Variants in GRM3 observed in about 807,000 individuals in gnomAD.
GRM3 encodes glutamate metabotropic receptor 3.
GRM3 carries 26 observed loss-of-function variants against 70.5 expected under a neutral mutation model. The observed-to-expected ratio is 0.37, with a 90% confidence interval of 0.27 to 0.51. The LOEUF is 0.51. Among genes scored for constraint, GRM3 ranks in the 20% least tolerant of loss-of-function variants. The pLI, the probability that GRM3 is intolerant of heterozygous loss-of-function variation, is 0.93. For missense variants in GRM3, 859 were observed against 1,123.8 expected (o/e 0.76, Z 3.37); for synonymous variants, 443 against 434.9 (o/e 1.02, Z -0.23).
chr7:86,775,692 T>C (rs1425293107), intron 2 of GRM3, among the ~76,000 whole-genome samples: 2 of 152,164 alleles, frequency 1.3e-5, no homozygotes, highest in Non-Finnish European at 2.9e-5. Context: ...TACTAATCCC[T>C]GTGAGGCCCT....
chr7:86,740,762 C>CTT (rs1214849630), intron 1 of GRM3, among the ~76,000 whole-genome samples: 4 of 152,152 alleles, frequency 2.6e-5, no homozygotes, highest in Non-Finnish European at 5.9e-5. Flanking sequence ...CAGAAAGAGG[C>CTT]CCTTGGCAAG....
chr7:86,709,406 A>G (rs1263466154), intron 1 of GRM3, among the ~76,000 whole-genome samples: 1 of 151,968 alleles, frequency 6.6e-6, no homozygotes, highest in Non-Finnish European at 1.5e-5. Context: ...CTGCTTCTGC[A>G]CCCTCATTCT....
At chr7:86,685,327 G>A (rs1268589230) in intron 1 of GRM3, among the ~76,000 whole-genome samples, 2 of 152,068 alleles carry the variant, frequency 1.3e-5, no homozygotes, top group Non-Finnish European at 2.9e-5. Context: ...CATATTACCA[G>A]TAAAACTTAC....
chr7:86,857,256 AC>A (rs1406949894), intron 5 of GRM3, among the ~76,000 whole-genome samples: 1 of 152,002 alleles, frequency 6.6e-6, no homozygotes, highest in Non-Finnish European at 1.5e-5. Context: ...CCATAATGAC[AC>A]TACGTAGTAG....
intron 2 of GRM3, among the ~76,000 whole-genome samples, chr7:86,769,476 T>G (rs746733165): frequency 1.1e-4 from 16 of 152,120 alleles, no homozygotes; most frequent in Non-Finnish European, 2.1e-4. Flanking sequence ...GTTTAGACAT[T>G]GCAATCTCCC....
At chr7:86,682,389 G>A (rs914227057) in intron 1 of GRM3, among the ~76,000 whole-genome samples, 5 of 152,066 alleles carry the variant, frequency 3.3e-5, no homozygotes, top group African/African-American at 4.8e-5. Flanking sequence ...AATCCAGCTT[G>A]TAGGGTTCCA....
chr7:86,722,611 G>A lies in GRM3; in HGVS notation c.-140-42395G>A, dbSNP rs192385397. 2.3e-3 allele frequency among the ~76,000 whole-genome samples: 327 copies of A among 141,900 alleles called. 3 individuals carry two copies. Among genetic ancestry groups the A allele is most frequent in the African/African-American group, 7.9e-3 (313 of 39,468 alleles). The allele number at this position is 141,900 out of a possible 152,430, so 93.1% of individuals were successfully genotyped here. A position where few individuals can be genotyped will look rare whatever the true frequency, so the allele number is the denominator to read the frequency against. On this transcript the variant is annotated intron_variant, in intron 1 of 5. Transcript: ENST00000361669. The stretch of plus-strand genomic sequence containing the variant: ...CACACACTGGGGACTGTCGGGGGGT[G>A]GGGGGCTAGGAGAGGGATAGCATTA...
chr7:86,823,018 A>G (rs1798153195), intron 3 of GRM3, among the ~76,000 whole-genome samples: 1 of 152,324 alleles, frequency 6.6e-6, no homozygotes, highest in East Asian at 1.9e-4. Context: ...TGAGACCTTC[A>G]TGCAATGAAG....
chr7:86,800,796 A>T (rs1797663078), intron 3 of GRM3, among the ~76,000 whole-genome samples: 3 of 152,222 alleles, frequency 2.0e-5, no homozygotes, highest in Admixed American at 2.0e-4. Context: ...TTATGAAGCC[A>T]GCACATCCTG....
At chr7:86,711,471 A>G (rs1795198651) in intron 1 of GRM3, among the ~76,000 whole-genome samples, 1 of 152,130 alleles carries the variant, frequency 6.6e-6, no homozygotes, top group Admixed American at 6.6e-5. Context: ...CTTTTCCAGA[A>G]TAAATTCCTT....
chr7:86,789,980 C>T (rs2116567556), intron 3 of GRM3, among the ~76,000 whole-genome samples: 1 of 152,276 alleles, frequency 6.6e-6, no homozygotes, highest in South Asian at 2.1e-4. Flanking sequence ...AGGAGCTAAC[C>T]ACTGCCCAGG....
intron 1 of GRM3, among the ~76,000 whole-genome samples, chr7:86,702,816 A>T (rs534201295): frequency 5.3e-5 from 8 of 151,970 alleles, no homozygotes; most frequent in African/African-American, 1.7e-4. Context: ...ACCAGAAGGA[A>T]GAACACAATG....
At chr7:86,817,315 A>G (rs1489063656) in intron 3 of GRM3, among the ~76,000 whole-genome samples, 1 of 151,950 alleles carries the variant, frequency 6.6e-6, no homozygotes, top group Non-Finnish European at 1.5e-5. Context: ...CAAAAACACC[A>G]TTATCATCTC....
intron 1 of GRM3, among the ~76,000 whole-genome samples, chr7:86,671,044 T>C (rs1345853604): frequency 1.3e-5 from 2 of 152,168 alleles, no homozygotes; most frequent in East Asian, 3.9e-4. Flanking sequence ...AACACATTTT[T>C]GTTTTGGAGA....
chr7:86,723,792 T>C (rs575976755), intron 1 of GRM3, among the ~76,000 whole-genome samples: 4 of 152,230 alleles, frequency 2.6e-5, no homozygotes, highest in Non-Finnish European at 5.9e-5. Context: ...AGTCTTCACC[T>C]TGTTCCCCAG....
chr7:86,716,487 G>A (rs187546653), intron 1 of GRM3, among the ~76,000 whole-genome samples: 3 of 151,850 alleles, frequency 2.0e-5, no homozygotes, highest in East Asian at 1.9e-4. Flanking sequence ...TGGAATTCAC[G>A]CCCAGGTTTT....
At chr7:86,834,585 A>AT (rs67542488) in intron 3 of GRM3, among the ~76,000 whole-genome samples, 18,076 of 134,230 alleles carry the variant, frequency 0.13, 1,223 homozygotes, top group South Asian at 0.23. Context: ...TGCTTTCTCC[A>AT]TTTTTTTTTT....
At chr7:86,695,459 A>C (rs2116056908) in intron 1 of GRM3, among the ~76,000 whole-genome samples, 1 of 152,278 alleles carries the variant, frequency 6.6e-6, no homozygotes, top group Non-Finnish European at 1.5e-5. Context: ...CCTAGAACCT[A>C]GTCCTGCTGT....
intron 3 of GRM3, among the ~76,000 whole-genome samples, chr7:86,813,577 G>C (rs1241161995): frequency 6.6e-6 from 1 of 151,744 alleles, no homozygotes; most frequent in South Asian, 2.1e-4. Context: ...GTTGAAATCA[G>C]AGAAAGTAAT....
Sources: gnomAD v4.1 joint callset for allele counts (sites outside exome capture counted in the v4.1 genomes callset) on GRCh38, gnomAD v4.1.1 for gene constraint, MANE v1.5 for transcripts, NCBI Gene and HGNC (gene_info 2026-07-23, HGNC 2026-07-21) for gene names.